Variants in RPS6KA2 observed in about 807,000 individuals in gnomAD.
RPS6KA2 encodes ribosomal protein S6 kinase alpha-2.
Under a neutral mutation model 91.8 loss-of-function variants are expected in RPS6KA2, and 42 were observed. The ratio of observed to expected loss-of-function variants is 0.46; its 90% CI spans 0.36 to 0.59. RPS6KA2 has a LOEUF of 0.59. Ranked by LOEUF, RPS6KA2 falls within the 20% of genes least tolerant of loss-of-function variation. RPS6KA2 has a pLI of 0.00. For synonymous variants in RPS6KA2, 414 were observed against 393.6 expected, an observed-to-expected ratio of 1.05 and a Z score of -0.61; for missense variants, 798 against 978.5, an observed-to-expected ratio of 0.82 and a Z score of 2.46.
chr6:166,487,707 T>A (rs571726125), intron 10 of RPS6KA2, among the ~76,000 whole-genome samples: 1 of 152,372 alleles, frequency 6.6e-6, no homozygotes, highest in East Asian at 1.9e-4. Context: ...TGAATACAAC[T>A]ATGACAATTC....
chr6:166,611,595 G>C (rs1318095873), intron 1 of RPS6KA2, among the ~76,000 whole-genome samples: 1 of 152,178 alleles, frequency 6.6e-6, no homozygotes, highest in East Asian at 1.9e-4. Flanking sequence ...AATCAAACTG[G>C]CTTAAACAAT....
In RPS6KA2 at chr6:166,770,290, C is replaced by A; in HGVS notation, c.123+87910G>T. On this transcript the variant is annotated intron_variant, in intron 2 of 21. Transcript: ENST00000503859. This position sits in a 1 kb window ranked among gnomAD's most constrained non-coding sequence, Gnocchi z 5.1. The stretch of plus-strand genomic sequence containing the variant: ...TAAAGGTATTAAAACCAGATAGATG[C>A]TTGAAATAGGAGAAATCTACCTCCA... 6.6e-6 allele frequency among the ~76,000 whole-genome samples: 1 copy of A among 152,186 alleles called. No homozygotes were observed. Among genetic ancestry groups the A allele is most frequent in the South Asian group, 2.1e-4 (1 of 4,824 alleles).
chr6:166,722,221 C>A (rs1291644700), intron 2 of RPS6KA2, among the ~76,000 whole-genome samples: 1 of 152,166 alleles, frequency 6.6e-6, no homozygotes, highest in Non-Finnish European at 1.5e-5. Flanking sequence ...TGTGTTCCAA[C>A]CCCTGCATGA....
chr6:166,413,830 T>G lies in RPS6KA2; in HGVS notation c.2040A>C (p.Pro680=), dbSNP rs1413878156. The G allele has an allele frequency of 1.2e-6, 2 of 1,614,218 alleles. No individual in the cohort carries two copies. The highest frequency in any genetic ancestry group is 1.3e-5 in the African/African-American group (1 of 75,062). Residue 680 remains proline (P), a synonymous_variant, in exon 20 of 21, where the codon CCA becomes CCC. Transcript: ENST00000265678. The part of the protein sequence containing the change: ...PWVVNREYLS[P]NQLSRQDVHL... The stretch of plus-strand genomic sequence containing the variant: ...GCACGTCCTGTCGGCTGAGCTGGTT[T>G]GGGGACAGGTACTCTCTGTTGACCA...
intron 8 of RPS6KA2, 62 bp downstream of exon 8, chr6:166,498,446 G>A: frequency 4.6e-6 from 7 of 1,531,914 alleles, no homozygotes; most frequent in Middle Eastern, 2.3e-4. Flanking sequence ...AACCAACCTG[G>A]GGACAGGGGT....
At chr6:166,504,193 C>T (rs1209204669) in intron 6 of RPS6KA2, among the ~76,000 whole-genome samples, 6 of 152,206 alleles carry the variant, frequency 3.9e-5, no homozygotes, top group East Asian at 3.8e-4. Flanking sequence ...GGGTCAGGGT[C>T]GTGGGCGTGC....
chr6:166,661,368 A>G (rs1467643911), intron 2 of RPS6KA2, among the ~76,000 whole-genome samples: 2 of 152,196 alleles, frequency 1.3e-5, no homozygotes, highest in Non-Finnish European at 2.9e-5. Context: ...CCCAAGTTCT[A>G]GGATTATAGG....
At chr6:166,751,091 G>T (rs115448156) in intron 2 of RPS6KA2, among the ~76,000 whole-genome samples, 1,687 of 152,324 alleles carry the variant, frequency 0.011, 28 homozygotes, top group African/African-American at 0.038. Context: ...CCCCCGAGCT[G>T]CAGGTGACGG....
Position 166,793,049 on chromosome 6 carries a change from A to C in RPS6KA2, c.123+65151T>G, listed in dbSNP as rs560039425. Among the ~76,000 whole-genome samples the C allele has an allele frequency of 1.8e-3, 276 of 152,118 alleles. 1 individual carries two copies. The highest frequency in any genetic ancestry group is 6.4e-3 in the African/African-American group (265 of 41,466). ...GAAATAAAGGGTATTCAATTAGGAA[A>C]AGAGGAAGTCAAATTGTCCCTGTTT... is the stretch of plus-strand genomic sequence containing the variant. On this transcript the variant is annotated intron_variant, in intron 2 of 21. Coordinates refer to the RPS6KA2 transcript ENST00000503859.
At chr6:166,415,063 TCAAACAAA>T (rs553452457) in intron 19 of RPS6KA2, among the ~76,000 whole-genome samples, 11 of 152,100 alleles carry the variant, frequency 7.2e-5, no homozygotes, top group Non-Finnish European at 1.0e-4. Flanking sequence ...AGAGTCCATC[TCAAACAAA>T]CAAACAAACA....
At chr6:166,853,534 C>T (rs561131563) in intron 2 of RPS6KA2, among the ~76,000 whole-genome samples, 2 of 152,372 alleles carry the variant, frequency 1.3e-5, no homozygotes, top group East Asian at 3.9e-4. Context: ...ATCAGGACAG[C>T]CTCAGCCCTC....
chr6:166,751,166 T>C (rs1394974294), intron 2 of RPS6KA2, among the ~76,000 whole-genome samples: 1 of 152,164 alleles, frequency 6.6e-6, no homozygotes, highest in African/African-American at 2.4e-5. Context: ...CTTCCCCAAG[T>C]CAGCCGGAAG....
At chr6:166,802,315 G>A (rs1023591280) in intron 2 of RPS6KA2, among the ~76,000 whole-genome samples, 2 of 151,528 alleles carry the variant, frequency 1.3e-5, no homozygotes, top group Non-Finnish European at 2.9e-5. Context: ...CATTAGGAAA[G>A]AGTAAAGAAG....
chr6:166,627,095 T>G lies in RPS6KA2; in HGVS notation c.-76A>C. On this transcript the variant is annotated 5_prime_UTR_variant, in exon 1 of 21. Transcript: ENST00000265678. ...CGGCATCCCAGGCGCGGGGCTCAGGTCCGCGGGCGGGCACGCGTGGCCAGG... is the reference window on the plus strand; with the variant it reads ...CGGCATCCCAGGCGCGGGGCTCAGGGCCGCGGGCGGGCACGCGTGGCCAGG... The G allele has an allele frequency of 8.2e-7, 1 of 1,218,628 alleles. No individual in the cohort carries two copies. Among genetic ancestry groups the G allele is most frequent in the Non-Finnish European group, 1.0e-6 (1 of 973,300 alleles). The allele number at this position is 1,218,628 out of a possible 1,614,324, so 75.5% of individuals were successfully genotyped here.
intron 2 of RPS6KA2, among the ~76,000 whole-genome samples, chr6:166,794,714 A>G (rs965439431): frequency 1.3e-5 from 2 of 151,614 alleles, no homozygotes; most frequent in Non-Finnish European, 2.9e-5. Context: ...AGGGACATGG[A>G]TGAAGCTGGA....
rs1477900487 is a variant in RPS6KA2 at position 166,500,572 on chromosome 6, G to A, written c.604+315C>T. ...GCTACACTCCAGCAAGACTCCAGAT[G>A]TCTGCACTAAGGTCAGCACTGGGCA... is the stretch of plus-strand genomic sequence containing the variant. On this transcript the variant is annotated intron_variant, in intron 7 of 20. Transcript: ENST00000265678. This position sits in a 1 kb window ranked among gnomAD's most constrained non-coding sequence, Gnocchi z 4.3. Among the ~76,000 whole-genome samples the A allele has an allele frequency of 3.3e-5, 5 of 152,212 alleles. No homozygotes were observed. Among genetic ancestry groups the A allele is most frequent in the African/African-American group, 1.2e-4 (5 of 41,448 alleles).
intron 11 of RPS6KA2, among the ~76,000 whole-genome samples, chr6:166,462,321 C>T (rs1780346461): frequency 2.0e-5 from 3 of 152,212 alleles, no homozygotes; most frequent in South Asian, 4.1e-4. Flanking sequence ...CCTTCTCCCT[C>T]CTCGTCCACC....
rs1309066712 is a variant in RPS6KA2 at position 166,770,310 on chromosome 6, C to G, written c.123+87890G>C. On this transcript the variant is annotated intron_variant, in intron 2 of 21. Coordinates refer to the RPS6KA2 transcript ENST00000503859. This position sits in a 1 kb window ranked among gnomAD's most constrained non-coding sequence, Gnocchi z 5.1. Reference sequence around the variant, plus strand: ...AGATGCTTGAAATAGGAGAAATCTACCTCCATCTAAAATTATCTATTTTAG... The same window carrying G: ...AGATGCTTGAAATAGGAGAAATCTAGCTCCATCTAAAATTATCTATTTTAG... Among the ~76,000 whole-genome samples, 1 of 152,220 alleles carries G rather than the reference C, an allele frequency of 6.6e-6. No homozygotes were observed. Among genetic ancestry groups the G allele is most frequent in the Non-Finnish European group, 1.5e-5 (1 of 68,038 alleles).
At chr6:166,698,960 G>A (rs1208921061) in intron 2 of RPS6KA2, among the ~76,000 whole-genome samples, 1 of 152,194 alleles carries the variant, frequency 6.6e-6, no homozygotes, top group Non-Finnish European at 1.5e-5. Context: ...AGGAGGCGAG[G>A]AACGAAGAGG....
Sources: gnomAD v4.1 joint callset for allele counts (sites outside exome capture counted in the v4.1 genomes callset) on GRCh38, gnomAD v4.1.1 for gene constraint, Gnocchi (gnomAD v3.1) non-coding constraint, MANE v1.5 for transcripts, NCBI Gene and HGNC (gene_info 2026-07-23, HGNC 2026-07-21) for gene names.